KCNH5: variants seen among roughly 807,000 people sequenced by gnomAD.
KCNH5 encodes potassium voltage-gated channel subfamily H member 5.
A neutral mutation model predicts 96.1 loss-of-function variants in KCNH5; 46 were observed. That is an observed-to-expected ratio of 0.48 (90% CI 0.38 to 0.61). The LOEUF (loss-of-function observed/expected upper bound fraction) is 0.61. Among genes scored for constraint, KCNH5 ranks in the 20% least tolerant of loss-of-function variants. The probability of loss-of-function intolerance (pLI) is 0.00; values close to 1 mark genes in which losing one functional copy is unlikely to be tolerated. For missense variants in KCNH5, 907 were observed against 1,225.8 expected, an observed-to-expected ratio of 0.74 and a Z score of 3.88; for synonymous variants, 439 against 449.8, an observed-to-expected ratio of 0.98 and a Z score of 0.30.
At chr14:63,006,499 G>A (rs758857692) in intron 2 of KCNH5, 27 bp from the exon 3 acceptor site, 14 of 1,349,058 alleles carry the variant, frequency 1.0e-5, no homozygotes, top group Middle Eastern at 3.6e-4. Context: ...ACAAACAATC[G>A]ATTTCACTTT....
chr14:62,816,057 A>G (rs1886971508), intron 8 of KCNH5, among the ~76,000 whole-genome samples: 1 of 151,936 alleles, frequency 6.6e-6, no homozygotes, highest in African/African-American at 2.4e-5. Flanking sequence ...ACATATTCTC[A>G]TATGCCATAT....
chr14:63,041,523 CG>C (rs1282459917), intron 1 of KCNH5, among the ~76,000 whole-genome samples: 1 of 152,026 alleles, frequency 6.6e-6, no homozygotes, highest in African/African-American at 2.4e-5. Context: ...TTGTCTAAGC[CG>C]TCCTATAGCA....
At chr14:62,902,642 T>C (rs1030148105) in intron 7 of KCNH5, among the ~76,000 whole-genome samples, 1 of 152,100 alleles carries the variant, frequency 6.6e-6, no homozygotes, top group African/African-American at 2.4e-5. Flanking sequence ...CAGTTAGCAA[T>C]AGGAATTTAG....
At chr14:63,016,113 T>C (rs181734182) in intron 2 of KCNH5, among the ~76,000 whole-genome samples, 25 of 151,758 alleles carry the variant, frequency 1.6e-4, no homozygotes, top group Admixed American at 1.4e-3. Context: ...GGTTCAGTGC[T>C]TAGTTAAATG....
intron 6 of KCNH5, among the ~76,000 whole-genome samples, chr14:62,966,040 T>C (rs1354054031): frequency 6.6e-6 from 1 of 152,144 alleles, no homozygotes; most frequent in South Asian, 2.1e-4. Flanking sequence ...AATTGCAACA[T>C]CTGTAAAAGT....
intron 7 of KCNH5, among the ~76,000 whole-genome samples, chr14:62,862,504 G>C (rs948245134): frequency 6.6e-6 from 1 of 152,084 alleles, no homozygotes; most frequent in African/African-American, 2.4e-5. Context: ...ATCCCTTCGT[G>C]GTAAGACTTT....
intron 7 of KCNH5, among the ~76,000 whole-genome samples, chr14:62,885,477 A>C (rs2140080348): frequency 6.6e-6 from 1 of 152,354 alleles, no homozygotes. Context: ...TGGACAAGGT[A>C]TTTGCTAATG....
intron 4 of KCNH5, among the ~76,000 whole-genome samples, chr14:62,990,904 G>A (rs1890796527): frequency 6.6e-6 from 1 of 152,002 alleles, no homozygotes; most frequent in Non-Finnish European, 1.5e-5. Flanking sequence ...CGAGCCAAGA[G>A]GGGAAAATCC....
At chr14:62,739,460 TTG>T (rs1885226582) in intron 10 of KCNH5, among the ~76,000 whole-genome samples, 1 of 152,174 alleles carries the variant, frequency 6.6e-6, no homozygotes, top group African/African-American at 2.4e-5. Flanking sequence ...TTTTCTTTTT[TTG>T]TGTGTTAGAG....
rs1352527595 is a variant in KCNH5, at chr14:62,977,912, G to A, written c.942+2960C>T. On this transcript the variant is annotated intron_variant, in intron 6 of 10. Transcript: ENST00000322893. The stretch of plus-strand genomic sequence containing the variant: ...TGTGAAAGAGGGAAGGAAGACTCAG[G>A]TAGGAAGAAAAAGCTTACACTTTTA... Among the ~76,000 whole-genome samples, 4 of 152,302 alleles carry A rather than the reference G, an allele frequency of 2.6e-5. No homozygotes were observed. In the East Asian group the frequency reaches 7.7e-4, roughly 29 times the overall value.
At chr14:62,972,591 C>G (rs577158159) in intron 6 of KCNH5, among the ~76,000 whole-genome samples, 9 of 152,090 alleles carry the variant, frequency 5.9e-5, no homozygotes, top group Non-Finnish European at 8.8e-5. Context: ...TTTTGCAAAA[C>G]TTGGAAGCAT....
At chr14:63,020,637 G>C (rs1248340912) in intron 1 of KCNH5, among the ~76,000 whole-genome samples, 1 of 152,092 alleles carries the variant, frequency 6.6e-6, no homozygotes, top group Non-Finnish European at 1.5e-5. Context: ...TTTCTAAAGG[G>C]AATGGTGGAG....
intron 7 of KCNH5, among the ~76,000 whole-genome samples, chr14:62,867,070 C>G (rs928241403): frequency 6.6e-6 from 1 of 152,142 alleles, no homozygotes; most frequent in Non-Finnish European, 1.5e-5. Flanking sequence ...CTTGCTTCCA[C>G]CCGCAACTTA....
chr14:62,762,945 G>A (rs1885784439), intron 10 of KCNH5, among the ~76,000 whole-genome samples: 1 of 152,066 alleles, frequency 6.6e-6, no homozygotes, highest in African/African-American at 2.4e-5. Context: ...ATAATAATGG[G>A]AGACTTCAAC....
chr14:63,008,329 C>G (rs551416780), intron 2 of KCNH5, among the ~76,000 whole-genome samples: 1 of 152,178 alleles, frequency 6.6e-6, no homozygotes, highest in East Asian at 1.9e-4. Flanking sequence ...GGTTCAGCTT[C>G]ATTATAGGCT....
At chr14:62,789,872 G>A (rs1212346965) in intron 9 of KCNH5, among the ~76,000 whole-genome samples, 1 of 151,806 alleles carries the variant, frequency 6.6e-6, no homozygotes, top group African/African-American at 2.4e-5. Flanking sequence ...TTTGTTGATT[G>A]TTTCCCTTGC....
intron 7 of KCNH5, among the ~76,000 whole-genome samples, chr14:62,926,370 A>C (rs1214321249): frequency 2.6e-5 from 4 of 152,112 alleles, no homozygotes; most frequent in Non-Finnish European, 5.9e-5. Context: ...GCAACTTAGG[A>C]AATCTAAAGT....
At chr14:62,729,835 G>C (rs568029941) in intron 10 of KCNH5, among the ~76,000 whole-genome samples, 118 of 152,286 alleles carry the variant, frequency 7.7e-4, no homozygotes, top group African/African-American at 2.8e-3. Flanking sequence ...CTCTTTTGCT[G>C]TCAGCTAGAA....
chr14:62,944,342 C>T (rs903653839), intron 7 of KCNH5, among the ~76,000 whole-genome samples: 3 of 152,092 alleles, frequency 2.0e-5, no homozygotes, highest in Non-Finnish European at 4.4e-5. Flanking sequence ...CTCCATCAAC[C>T]TTTTGATAAA....
Sources: gnomAD v4.1 joint callset for allele counts (sites outside exome capture counted in the v4.1 genomes callset) on GRCh38, gnomAD v4.1.1 for gene constraint, MANE v1.5 for transcripts, NCBI Gene and HGNC (gene_info 2026-07-23, HGNC 2026-07-21) for gene names.